SNX5: variants seen among roughly 807,000 people sequenced by gnomAD.
SNX5 encodes sorting nexin 5.
In SNX5, 31 loss-of-function variants were observed where a neutral mutation model predicts 53.9. That is an observed-to-expected ratio of 0.58 (90% CI 0.43 to 0.78). SNX5 has a LOEUF of 0.78. SNX5 is among the 30% of genes least tolerant of loss of function. The probability of loss-of-function intolerance (pLI) is 0.00; values close to 1 mark genes in which losing one functional copy is unlikely to be tolerated. For synonymous variants in SNX5, 168 were observed against 171.1 expected (o/e 0.98, Z 0.14); for missense variants, 471 against 478.8 (o/e 0.98, Z 0.15).
At chr20:17,962,701 C>G in intron 1 of SNX5, 1 of 517,910 alleles carries the variant, frequency 1.9e-6, no homozygotes, top group South Asian at 1.4e-5. Flanking sequence ...AACTAAAGGG[C>G]TGCAGCAAGT....
chr20:17,948,866 G>A lies in SNX5; in HGVS notation c.918+24C>T, dbSNP rs760025417. ...GACTTCTGGTCCTGCACTGCTCTGA[G>A]AAGCTGAGCAACTCTCTTCCTACCT... On this transcript the variant is annotated intron_variant, in intron 10 of 12. Coordinates refer to ENST00000377759, the MANE Select transcript of SNX5 (RefSeq NM_014426.4). 4.4e-6 allele frequency: 7 copies of A among 1,589,114 alleles called. No individual in the cohort carries two copies. The East Asian group carries it at 1.3e-4, about 30-fold the overall frequency.
chr20:17,944,070 CAAATA>C (rs1169996504), intron 11 of SNX5: 4 of 152,184 alleles, frequency 2.6e-5, no homozygotes, highest in African/African-American at 9.6e-5. Context: ...GACATTATGC[CAAATA>C]AAATAAACCA....
chr20:17,946,247 C>T (rs2039486229), intron 11 of SNX5, among the ~76,000 whole-genome samples: 1 of 152,228 alleles, frequency 6.6e-6, no homozygotes, highest in Admixed American at 6.5e-5. Flanking sequence ...CACACACATA[C>T]ATTTCCTAGC....
At chr20:17,953,679 A>T (rs2035304680) in intron 4 of SNX5, among the ~76,000 whole-genome samples, 2 of 152,216 alleles carry the variant, frequency 1.3e-5, no homozygotes, top group South Asian at 4.1e-4. Flanking sequence ...CATTATGAGC[A>T]ATTTATAAAG....
Position 17,941,784 on chromosome 20 carries a change from T to TC in SNX5, c.*572dup. ...CCATATATACCTGTAGATATTTCTC[T>TC]CCCCTCAAATATTTATATCTCGACT... On this transcript the variant is annotated 3_prime_UTR_variant, in exon 13 of 13. Coordinates refer to ENST00000377759, the MANE Select transcript of SNX5 (RefSeq NM_014426.4). The TC allele has an allele frequency of 6.6e-6, 1 of 152,622 alleles. No homozygotes were observed. Among genetic ancestry groups the TC allele is most frequent in the East Asian group, 1.9e-4 (1 of 5,186 alleles). 9.5% of individuals were successfully genotyped at this position (152,622 alleles called of 1,614,324 possible).
At chr20:17,968,335 G>GGGCC in intron 1 of SNX5, 40 bp downstream of exon 1, 2 of 1,256,118 alleles carry the variant, frequency 1.6e-6, no homozygotes, top group East Asian at 6.3e-5. Flanking sequence ...GGAGCTCGCA[G>GGGCC]GGCCGCCCGC....
chr20:17,948,775 T>C, intron 10 of SNX5, 115 bp downstream of exon 10: 1 of 801,870 alleles, frequency 1.2e-6, no homozygotes, highest in Admixed American at 2.3e-5. Flanking sequence ...GAAAGGCATG[T>C]CATTTATAAA....
At chr20:17,955,318 T>TA in intron 3 of SNX5, 47 bp downstream of exon 3, 4 of 1,399,346 alleles carry the variant, frequency 2.9e-6, no homozygotes, top group Non-Finnish European at 4.0e-6. Flanking sequence ...AACTAATGCA[T>TA]AGCAAGGCAG....
intron 1 of SNX5, chr20:17,962,884 G>C (rs773669796): frequency 1.9e-6 from 1 of 517,782 alleles, no homozygotes; most frequent in Admixed American, 1.9e-5. Context: ...AACAGGAACT[G>C]AGGCTTGGAA....
At chr20:17,962,754 G>C (rs769925888) in intron 1 of SNX5, 1 of 519,110 alleles carries the variant, frequency 1.9e-6, no homozygotes, top group Non-Finnish European at 3.8e-6. Context: ...GGGTCTCAGA[G>C]GGCCCCGTCC....
chr20:17,957,342 G>C (rs1008328437), intron 1 of SNX5, among the ~76,000 whole-genome samples: 3 of 151,442 alleles, frequency 2.0e-5, no homozygotes, highest in African/African-American at 7.3e-5. Context: ...GGCTGAGGCA[G>C]GAGAATGGCC....
intron 11 of SNX5, 113 bp downstream of exon 11, chr20:17,947,373 G>C (rs902426670): frequency 4.6e-5 from 53 of 1,145,164 alleles, no homozygotes; most frequent in Non-Finnish European, 6.3e-5. Context: ...GAGGGGTGAA[G>C]TGCTGACACT....
At chr20:17,947,221 G>C (rs765847770) in intron 11 of SNX5, 71 of 404,746 alleles carry the variant, frequency 1.8e-4, no homozygotes, top group Non-Finnish European at 6.2e-5. Flanking sequence ...TCAGTCTTAG[G>C]AAATAAACCA....
chr20:17,964,746 G>T (rs759009155), intron 1 of SNX5, among the ~76,000 whole-genome samples: 5 of 152,156 alleles, frequency 3.3e-5, no homozygotes, highest in Non-Finnish European at 7.3e-5. Context: ...CTAACCTATA[G>T]ATCTGTTCTC....
At chr20:17,955,638 A>C (rs2035340306) in intron 2 of SNX5, among the ~76,000 whole-genome samples, 163 bp from the exon 3 acceptor site, 2 of 152,240 alleles carry the variant, frequency 1.3e-5, no homozygotes. Flanking sequence ...GTCATAGCTA[A>C]GATTCAACCT....
intron 1 of SNX5, among the ~76,000 whole-genome samples, chr20:17,964,140 A>G (rs553430776): frequency 6.6e-6 from 1 of 152,292 alleles, no homozygotes; most frequent in South Asian, 2.1e-4. Context: ...GTGAGGGAAG[A>G]AGTCCAACAT....
chr20:17,961,073 G>T, intron 1 of SNX5: 1 of 925,836 alleles, frequency 1.1e-6, no homozygotes, highest in Non-Finnish European at 1.3e-6. Flanking sequence ...AGTGCTTTTG[G>T]TAAGAGAGCC....
chr20:17,968,052 G>A (rs1425812099), intron 1 of SNX5: 3 of 398,484 alleles, frequency 7.5e-6, no homozygotes, highest in Admixed American at 4.4e-5. Flanking sequence ...TGGTCACCAC[G>A]AAGCCGAGGA....
intron 4 of SNX5, among the ~76,000 whole-genome samples, chr20:17,953,370 ATT>A (rs1216263052): frequency 6.6e-6 from 1 of 152,236 alleles, no homozygotes; most frequent in Admixed American, 6.5e-5. Flanking sequence ...CCAAAAATCT[ATT>A]TTTGTTTGAA....
Sources: allele counts gnomAD v4.1 joint callset (sites outside exome capture counted in the v4.1 genomes callset), GRCh38; gene constraint gnomAD v4.1.1; transcripts MANE v1.5; gene names NCBI Gene and HGNC (gene_info 2026-07-23, HGNC 2026-07-21).